The following SCAI variants were observed in gnomAD, a reference collection of about 807,000 sequenced individuals.
SCAI encodes protein SCAI.
A neutral mutation model predicts 92.2 loss-of-function variants in SCAI; 24 were observed. The observed-to-expected ratio is 0.26, with a 90% CI of 0.19 to 0.37. The LOEUF (loss-of-function observed/expected upper bound fraction) is 0.37, where lower values mean the gene tolerates loss of function less well. Ranked by LOEUF, SCAI falls within the 10% of genes least tolerant of loss-of-function variation. The pLI is 1.00. For missense variants in SCAI, 450 were observed against 736.2 expected (o/e 0.61, Z 4.50); for synonymous variants, 261 against 258.6 (o/e 1.01, Z -0.09).
intron 2 of SCAI, among the ~76,000 whole-genome samples, chr9:125,117,832 G>A (rs1005711189): frequency 6.6e-6 from 1 of 151,978 alleles, no homozygotes; most frequent in African/African-American, 2.4e-5. Context: ...AATGTCACTA[G>A]TCAGTAATAG....
chr9:125,068,393 G>C (rs924122916), intron 2 of SCAI, among the ~76,000 whole-genome samples: 1 of 152,098 alleles, frequency 6.6e-6, no homozygotes, highest in African/African-American at 2.4e-5. Context: ...CCAGCTACTC[G>C]GGAAGCTGAG....
At chr9:125,004,593 T>C (rs1832435068) in intron 9 of SCAI, among the ~76,000 whole-genome samples, 1 of 149,238 alleles carries the variant, frequency 6.7e-6, no homozygotes, top group South Asian at 2.1e-4. Flanking sequence ...CCTCCCAAAG[T>C]GCTAGGAATA....
At chr9:125,082,470 G>A (rs1309016796) in intron 2 of SCAI, among the ~76,000 whole-genome samples, 1 of 152,238 alleles carries the variant, frequency 6.6e-6, no homozygotes, top group Non-Finnish European at 1.5e-5. Flanking sequence ...CTTGGGCACT[G>A]CCTAGTGGAG....
chr9:124,975,305 T>C (rs2131592985), intron 15 of SCAI: 2 of 456,594 alleles, frequency 4.4e-6, no homozygotes, highest in Non-Finnish European at 8.8e-6. Context: ...TGACCATCAC[T>C]TCCTGTGTCA....
At position 125,078,747 on chromosome 9, in the gene SCAI, T is replaced by TA. The variant is rs1453842376; in HGVS notation, c.99-22741dup. On this transcript the variant is annotated intron_variant, in intron 2 of 17. Transcript: ENST00000336505. ...CCTGGGAAACATAGTGAGACTCCTA[T>TA]AAAAAATCTAAAAATTAGGTGGATG... is the stretch of plus-strand genomic sequence containing the variant. Among the ~76,000 whole-genome samples, 7 of 152,058 alleles carry TA rather than the reference T, an allele frequency of 4.6e-5. No homozygotes were observed. The East Asian group carries it at 9.7e-4, about 21-fold the overall frequency.
rs993976922 is a variant in SCAI at position 125,086,937 on chromosome 9, C to A, written c.99-30930G>T. Reference sequence around the variant, plus strand: ...GTATGTAAAGTGTTTAGAAGAGAGTCTGGCATACATTAAATGTTATGTAAG... The same window carrying A: ...GTATGTAAAGTGTTTAGAAGAGAGTATGGCATACATTAAATGTTATGTAAG... On this transcript the variant is annotated intron_variant, in intron 2 of 17. Coordinates refer to ENST00000336505, the MANE Select transcript of SCAI (RefSeq NM_001144877.3). Among the ~76,000 whole-genome samples the A allele has an allele frequency of 3.3e-5, 5 of 152,166 alleles. No homozygotes were observed. In the East Asian group the frequency reaches 7.7e-4, roughly 23 times the overall value.
In SCAI at chr9:124,942,620, A is replaced by C. The variant is rs530307660; in HGVS notation, c.*10187T>G. The C allele has an allele frequency of 4.6e-5, 7 of 152,210 alleles. No individual in the cohort carries two copies. The South Asian group carries it at 1.4e-3, about 31-fold the overall frequency. The allele number at this position is 152,210 out of a possible 1,614,324, so 9.4% of individuals were successfully genotyped here. ...AAGTACCAAAAACTTTAAGCAAATA[A>C]TGTTTATTTTTATATTGATGATACA... On this transcript the variant is annotated 3_prime_UTR_variant, in exon 18 of 18. Transcript: ENST00000336505.
chr9:125,142,816 C>T, intron 1 of SCAI, 139 bp from the exon 2 acceptor site: 3 of 694,332 alleles, frequency 4.3e-6, no homozygotes, highest in South Asian at 1.6e-5. Context: ...ACCTTACAAA[C>T]GCCTCATGCC....
At chr9:125,062,177 G>A (rs915246223) in intron 2 of SCAI, among the ~76,000 whole-genome samples, 1 of 151,200 alleles carries the variant, frequency 6.6e-6, no homozygotes, top group Non-Finnish European at 1.5e-5. Context: ...CCAGGCTGGT[G>A]TGCAGTGGCG....
chr9:124,979,479 G>A (rs1367589030), intron 14 of SCAI, among the ~76,000 whole-genome samples: 1 of 151,962 alleles, frequency 6.6e-6, no homozygotes, highest in Non-Finnish European at 1.5e-5. Flanking sequence ...GGCGGAGGTT[G>A]CAGTGAGCCA....
chr9:125,067,512 C>G (rs1465545992), intron 2 of SCAI, among the ~76,000 whole-genome samples: 1 of 152,106 alleles, frequency 6.6e-6, no homozygotes, highest in Non-Finnish European at 1.5e-5. Context: ...CAAGGAACGC[C>G]AAGGATTGCT....
intron 11 of SCAI, among the ~76,000 whole-genome samples, 175 bp from the exon 12 acceptor site, chr9:125,002,218 A>G (rs954873539): frequency 6.6e-6 from 1 of 152,144 alleles, no homozygotes; most frequent in Admixed American, 6.6e-5. Context: ...CACGGCAGAG[A>G]TTCATTATTA....
At chr9:125,061,081 A>C (rs1457306498) in intron 2 of SCAI, among the ~76,000 whole-genome samples, 1 of 151,534 alleles carries the variant, frequency 6.6e-6, no homozygotes, top group Non-Finnish European at 1.5e-5. Context: ...GCAGATCATG[A>C]GGTCAGGAGA....
intron 6 of SCAI, among the ~76,000 whole-genome samples, chr9:125,022,823 T>A (rs934943940): frequency 2.0e-5 from 3 of 152,192 alleles, no homozygotes; most frequent in African/African-American, 7.2e-5. Context: ...TTACCATGAT[T>A]CGGATTTGTT....
At chr9:124,971,094 C>T (rs900153630) in intron 17 of SCAI, among the ~76,000 whole-genome samples, 2 of 152,056 alleles carry the variant, frequency 1.3e-5, no homozygotes, top group Non-Finnish European at 2.9e-5. Context: ...AGATTACAGG[C>T]GGGAGCCACC....
intron 2 of SCAI, among the ~76,000 whole-genome samples, chr9:125,110,467 G>T (rs7047073): frequency 0.023 from 3,532 of 152,272 alleles, 146 homozygotes; most frequent in African/African-American, 0.081. Context: ...CGACTGATAT[G>T]GTTTGCATCT....
rs541208108 is a variant in SCAI, at chr9:124,943,335, A to G, written c.*9472T>C. The G allele has an allele frequency of 6.6e-6, 1 of 152,328 alleles. No homozygotes were observed. The highest frequency in any genetic ancestry group is 6.5e-5 in the Admixed American group (1 of 15,306). 9.4% of individuals were successfully genotyped at this position (152,328 alleles called of 1,614,324 possible). ...GGGCTGAGTTGATGGATTTTTTTCT[A>G]AAGTATTAACTCACAATATCCAAAT... On this transcript the variant is annotated 3_prime_UTR_variant, in exon 18 of 18. Coordinates refer to ENST00000336505, the MANE Select transcript of SCAI (RefSeq NM_001144877.3).
chr9:125,140,506 C>A (rs188155117), intron 2 of SCAI, among the ~76,000 whole-genome samples: 4 of 152,060 alleles, frequency 2.6e-5, no homozygotes, highest in Admixed American at 2.6e-4. Flanking sequence ...CCAGTACGGG[C>A]AACAAAGTAA....
intron 17 of SCAI, among the ~76,000 whole-genome samples, chr9:124,962,780 A>ATTTTTTCTTT (rs1350498079): frequency 6.6e-6 from 1 of 151,342 alleles, no homozygotes; most frequent in East Asian, 1.9e-4. Flanking sequence ...TGTATTATAT[A>ATTTTTTCTTT]TTGTTTTTTC....
Sources: gnomAD v4.1 joint callset for allele counts (sites outside exome capture counted in the v4.1 genomes callset) on GRCh38, gnomAD v4.1.1 for gene constraint, MANE v1.5 for transcripts, NCBI Gene and HGNC (gene_info 2026-07-23, HGNC 2026-07-21) for gene names.